Variants in ZNF90 observed in about 807,000 individuals in gnomAD.
The protein encoded by ZNF90 is zinc finger protein 90.
In ZNF90, 11 loss-of-function variants were observed where a neutral mutation model predicts 12.0. The observed-to-expected ratio is 0.92, with a 90% CI of 0.58 to 1.52. The LOEUF (loss-of-function observed/expected upper bound fraction) is 1.52. ZNF90 is among the 40% of genes most tolerant of loss of function. The probability of loss-of-function intolerance (pLI) is 0.00; values close to 1 mark genes in which losing one functional copy is unlikely to be tolerated. For synonymous variants in ZNF90, 232 were observed against 240.1 expected (o/e 0.97, Z 0.31); for missense variants, 765 against 711.5 (o/e 1.08, Z -0.86).
At chr19:20,080,734 C>T (rs1285799872) in intron 1 of ZNF90, among the ~76,000 whole-genome samples, 1 of 152,064 alleles carries the variant, frequency 6.6e-6, no homozygotes, top group African/African-American at 2.4e-5. Context: ...ATAGATGGGC[C>T]ATGGGGTTTG....
At chr19:20,107,202 G>C in intron 3 of ZNF90, 1 of 343,464 alleles carries the variant, frequency 2.9e-6, no homozygotes, top group Non-Finnish European at 5.8e-6. Flanking sequence ...CTTCATGCCT[G>C]CCTGTATAGC....
chr19:20,115,275 T>A (rs1352833770), intron 3 of ZNF90, among the ~76,000 whole-genome samples: 1 of 152,130 alleles, frequency 6.6e-6, no homozygotes, highest in African/African-American at 2.4e-5. Flanking sequence ...TAAACTTTTT[T>A]ATTGAAAGAA....
At chr19:20,088,107 T>C (rs1285085294) in intron 1 of ZNF90, among the ~76,000 whole-genome samples, 1 of 152,156 alleles carries the variant, frequency 6.6e-6, no homozygotes, top group Non-Finnish European at 1.5e-5. Flanking sequence ...GGGGATGCGA[T>C]GGCTTGGCTT....
At chr19:20,105,010 C>G (rs1022657120) in intron 2 of ZNF90, among the ~76,000 whole-genome samples, 1 of 151,934 alleles carries the variant, frequency 6.6e-6, no homozygotes, top group Non-Finnish European at 1.5e-5. Context: ...AAAAAACAAA[C>G]AAAAAACAAA....
intron 1 of ZNF90, among the ~76,000 whole-genome samples, chr19:20,090,093 A>G (rs1599642053): frequency 6.6e-6 from 1 of 152,204 alleles, no homozygotes; most frequent in African/African-American, 2.4e-5. Context: ...TGGTTTGGGG[A>G]TAGCACCAAG....
In ZNF90 at chr19:20,108,731, CTT is replaced by C. The variant is rs10626180; in HGVS notation, c.226+3432_226+3433del. Among the ~76,000 whole-genome samples the C allele has an allele frequency of 2.0e-3, 239 of 119,924 alleles. 3 individuals are homozygous for C. Among genetic ancestry groups the C allele is most frequent in the African/African-American group, 6.0e-3 (188 of 31,586 alleles). 78.7% of individuals were successfully genotyped at this position (119,924 alleles called of 152,430 possible). A position where few individuals can be genotyped will look rare whatever the true frequency, so the allele number is the denominator to read the frequency against. On this transcript the variant is annotated intron_variant, in intron 3 of 3. Transcript: ENST00000418063. ...GTGTGTTTCTTCAGTGTAGGTTTCT[CTT>C]TTTTTTTTTTTTTTTTGAGATGGAG...
At chr19:20,103,771 G>A (rs1017996008) in intron 1 of ZNF90, among the ~76,000 whole-genome samples, 1 of 151,664 alleles carries the variant, frequency 6.6e-6, no homozygotes, top group African/African-American at 2.4e-5. Context: ...GACATTATTC[G>A]TGAGCTTGTT....
rs375719132 is a variant in ZNF90, at chr19:20,080,048, G to C, written c.3+1913G>C. On this transcript the variant is annotated intron_variant, in intron 1 of 3. Transcript: ENST00000418063. ...CCTCCTGGGTTCAAGCGATTCTCCT[G>C]CCTCAGCCTCCCGAGTAGCTGGGAT... The C allele has an allele frequency of 7.3e-4, 239 of 325,750 alleles. 1 individual carries two copies. Among genetic ancestry groups the C allele is most frequent in the African/African-American group, 5.2e-3 (235 of 45,354 alleles). The allele number at this position is 325,750 out of a possible 1,614,324, so 20.2% of individuals were successfully genotyped here.
intron 1 of ZNF90, among the ~76,000 whole-genome samples, chr19:20,078,622 C>G (rs2088796202): frequency 1.3e-5 from 2 of 150,616 alleles, no homozygotes; most frequent in Admixed American, 1.3e-4. Flanking sequence ...CAACGTAGTT[C>G]TTCTTCAAAG....
At chr19:20,102,359 C>T (rs1156251615) in intron 1 of ZNF90, among the ~76,000 whole-genome samples, 1 of 152,176 alleles carries the variant, frequency 6.6e-6, no homozygotes. Context: ...GCTGACTATT[C>T]ATCCCACCAC....
intron 1 of ZNF90, among the ~76,000 whole-genome samples, chr19:20,101,249 T>C (rs1413610842): frequency 4.6e-5 from 7 of 152,212 alleles, no homozygotes; most frequent in African/African-American, 1.7e-4. Flanking sequence ...CACTGAACAC[T>C]AGTCGCTGGG....
intron 1 of ZNF90, chr19:20,080,538 ATC>A (rs2088812618): frequency 8.2e-6 from 2 of 242,540 alleles, no homozygotes; most frequent in African/African-American, 2.3e-5. Flanking sequence ...AGAGATGCCC[ATC>A]TCTCAGCGCT....
chr19:20,121,117 CTG>C lies in ZNF90; in HGVS notation c.*1759_*1760del, dbSNP rs1172091102. On this transcript the variant is annotated 3_prime_UTR_variant, in exon 4 of 4. Transcript: ENST00000418063. ...TTACAGTTAAAGGTATATTAAATTA[CTG>C]TATTATTTTACTAATTTTATGTAAT... The C allele has an allele frequency of 3.0e-4, 56 of 187,688 alleles. No homozygotes were observed. Among genetic ancestry groups the C allele is most frequent in the Admixed American group, 2.2e-3 (37 of 16,890 alleles). 11.6% of individuals were successfully genotyped at this position (187,688 alleles called of 1,614,324 possible). A position where few individuals can be genotyped will look rare whatever the true frequency, so the allele number is the denominator to read the frequency against.
At chr19:20,111,845 T>G (rs1050140037) in intron 3 of ZNF90, among the ~76,000 whole-genome samples, 1 of 149,288 alleles carries the variant, frequency 6.7e-6, no homozygotes, top group Admixed American at 6.7e-5. Context: ...TATGCTGTAT[T>G]TATTAACAGA....
chr19:20,088,442 G>A (rs148682762), intron 1 of ZNF90, among the ~76,000 whole-genome samples: 2,267 of 152,198 alleles, frequency 0.015, 53 homozygotes, highest in African/African-American at 0.052. Context: ...TTCAAATAAA[G>A]GAAGGAGAAA....
chr19:20,110,318 G>A lies in ZNF90; in HGVS notation c.226+5002G>A, dbSNP rs573311750. 7.1e-4 allele frequency among the ~76,000 whole-genome samples: 108 copies of A among 152,084 alleles called. 1 individual carries two copies. Among genetic ancestry groups the A allele is most frequent in the Non-Finnish European group, 1.2e-3 (81 of 67,982 alleles). The stretch of plus-strand genomic sequence containing the variant: ...TTTTGAGATGGAGTCTTGCTCTGTT[G>A]CCCAGGCTGGAGTGCAGTGGTGTGA... On this transcript the variant is annotated intron_variant, in intron 3 of 3. Coordinates refer to ENST00000418063, the MANE Select transcript of ZNF90 (RefSeq NM_007138.2).
At chr19:20,080,363 C>G (rs1306774487) in intron 1 of ZNF90, 4 of 449,244 alleles carry the variant, frequency 8.9e-6, no homozygotes, top group Admixed American at 2.8e-5. Context: ...CCCCGTCCAG[C>G]CTCAGGGCAC....
chr19:20,108,515 C>T (rs1344360493), intron 3 of ZNF90, among the ~76,000 whole-genome samples: 9 of 152,060 alleles, frequency 5.9e-5, no homozygotes, highest in Admixed American at 5.9e-4. Context: ...GGGGTTTCAC[C>T]ACGTTGGCCA....
Position 20,118,374 on chromosome 19 carries a change from G to A in ZNF90, c.820G>A (p.Ala274Thr). Residue 274 changes from alanine to threonine, a missense_variant, in exon 4 of 4, where the codon GCA (alanine) becomes ACA (threonine). By Grantham distance (58) the Ala-to-Thr change is moderately conservative. Coordinates refer to ENST00000418063, the MANE Select transcript of ZNF90 (RefSeq NM_007138.2). ...KELKYSSTLT[A>T]HKRIHTGEKP... is the part of the protein sequence containing the mutation. ...ATTAAAGTATTCCTCTACCCTTACT[G>A]CACATAAGAGAATTCATACTGGAGA... 1 of 1,591,874 alleles carries A rather than the reference G, an allele frequency of 6.3e-7. No homozygotes were observed. Among genetic ancestry groups the A allele is most frequent in the Non-Finnish European group, 8.6e-7 (1 of 1,168,116 alleles).
Sources: allele counts gnomAD v4.1 joint callset (sites outside exome capture counted in the v4.1 genomes callset), GRCh38; gene constraint gnomAD v4.1.1; transcripts MANE v1.5; gene names NCBI Gene and HGNC (gene_info 2026-07-23, HGNC 2026-07-21).